The following TENM3 variants were observed in gnomAD, a reference collection of about 807,000 sequenced individuals.
The protein encoded by TENM3 is teneurin transmembrane protein 3, also known as teneurin-3.
In TENM3, 63 loss-of-function variants were observed where a neutral mutation model predicts 255.1. The observed-to-expected ratio is 0.25, with a 90% CI of 0.20 to 0.30. The LOEUF (loss-of-function observed/expected upper bound fraction) is 0.30, where lower values mean the gene tolerates loss of function less well. Among genes scored for constraint, TENM3 ranks in the 10% least tolerant of loss-of-function variants. The pLI, the probability that TENM3 is intolerant of heterozygous loss-of-function variation, is 1.00. For missense variants in TENM3, 2,929 were observed against 3,461.1 expected, an observed-to-expected ratio of 0.85 and a Z score of 3.86; for synonymous variants, 1,306 against 1,322.3, an observed-to-expected ratio of 0.99 and a Z score of 0.27.
At chr4:182,679,970 C>T in intron 8 of TENM3, 94 bp downstream of exon 8, 3 of 1,130,058 alleles carry the variant, frequency 2.7e-6, no homozygotes, top group Non-Finnish European at 3.8e-6. Flanking sequence ...TGGGGTAATT[C>T]CTAGGGTGTT....
At chr4:182,394,116 TAAG>T (rs149212899) in intron 3 of TENM3, among the ~76,000 whole-genome samples, 9,676 of 152,172 alleles carry the variant, frequency 0.064, 988 homozygotes, top group African/African-American at 0.21. Context: ...GAGTAGTTAT[TAAG>T]AAGGTCACCA....
intron 3 of TENM3, among the ~76,000 whole-genome samples, chr4:182,483,884 C>T (rs1465289000): frequency 6.6e-6 from 1 of 151,954 alleles, no homozygotes; most frequent in Admixed American, 6.6e-5. Flanking sequence ...AACCAGATCT[C>T]GCGAGAACTC....
At chr4:181,786,738 A>T in the TENM3 span, among the ~76,000 whole-genome samples, 1 of 150,992 alleles carries the variant, frequency 6.6e-6, no homozygotes, top group African/African-American at 2.4e-5. Flanking sequence ...TCATGATCAG[A>T]TAGGAAAATT....
the TENM3 span, among the ~76,000 whole-genome samples, chr4:181,959,958 A>G: frequency 6.6e-6 from 1 of 152,220 alleles, no homozygotes; most frequent in Non-Finnish European, 1.5e-5. Context: ...CTTGGACTTT[A>G]TATTGCAAAA....
intron 1 of TENM3, among the ~76,000 whole-genome samples, chr4:182,166,495 A>G (rs1751732143): frequency 6.6e-6 from 1 of 151,124 alleles, no homozygotes. Flanking sequence ...TTTGGGTATC[A>G]TTTTGCAGCT....
chr4:182,752,082 A>T, intron 20 of TENM3, 50 bp downstream of exon 20: 2 of 1,166,018 alleles, frequency 1.7e-6, no homozygotes, highest in Non-Finnish European at 2.4e-6. Flanking sequence ...TTAAAAAAAA[A>T]AAAAAAGGGG....
At chr4:181,902,963 C>T in the TENM3 span, among the ~76,000 whole-genome samples, 4 of 152,068 alleles carry the variant, frequency 2.6e-5, no homozygotes, top group Admixed American at 6.5e-5. Flanking sequence ...GTTTTACAAT[C>T]GGTATTGATT....
At chr4:182,469,623 A>G (rs904647718) in intron 3 of TENM3, among the ~76,000 whole-genome samples, 3 of 151,884 alleles carry the variant, frequency 2.0e-5, no homozygotes, top group African/African-American at 7.3e-5. Context: ...CTGAGGCAAG[A>G]GAATTGCTTG....
upstream of TENM3, chr4:182,143,392 A>AG (rs372798930): frequency 1.8e-5 from 3 of 166,978 alleles, no homozygotes; most frequent in Non-Finnish European, 4.4e-5. The surrounding 1 kb of genome is among the most constrained non-coding windows in gnomAD (Gnocchi z 4.3). Context: ...GTGGAAAGGA[A>AG]GGCGCGGGTC....
chr4:181,916,242 C>T, the TENM3 span, among the ~76,000 whole-genome samples: 2 of 152,154 alleles, frequency 1.3e-5, no homozygotes, highest in Non-Finnish European at 2.9e-5. Flanking sequence ...AGATTAGTGC[C>T]TCTAGTTATA....
chr4:182,360,705 C>A (rs1580288877), intron 3 of TENM3, among the ~76,000 whole-genome samples: 1 of 152,050 alleles, frequency 6.6e-6, no homozygotes, highest in Admixed American at 6.6e-5. Context: ...TTAATTGGAG[C>A]ATTTAGTCCA....
chr4:182,100,073 T>A, the TENM3 span, among the ~76,000 whole-genome samples: 1 of 152,020 alleles, frequency 6.6e-6, no homozygotes, highest in Non-Finnish European at 1.5e-5. Context: ...TGTTTATGGT[T>A]CCCTGGAAAA....
rs1231607139 is a variant in TENM3, at chr4:182,285,761, C to T, written c.-75-38185C>T. Among the ~76,000 whole-genome samples, 3 of 152,120 alleles carry T rather than the reference C, an allele frequency of 2.0e-5. No individual in the cohort carries two copies. The East Asian group carries it at 5.8e-4, about 29-fold the overall frequency. On this transcript the variant is annotated intron_variant, in intron 1 of 27. Transcript: ENST00000511685. ...CGTGGAATTGTGAAGGGGATGTGTG[C>T]GTGGAGCTACCAGAGAAGCACAGCC...
intron 5 of TENM3, among the ~76,000 whole-genome samples, chr4:182,651,335 C>G (rs1753268829): frequency 6.6e-6 from 1 of 151,936 alleles, no homozygotes; most frequent in South Asian, 2.1e-4. Context: ...GAAGTTATAC[C>G]TTTTTACATG....
intron 3 of TENM3, among the ~76,000 whole-genome samples, chr4:182,451,752 T>C (rs774813496): frequency 4.6e-5 from 7 of 152,328 alleles, no homozygotes; most frequent in East Asian, 3.9e-4. Flanking sequence ...TTCAAAAGAT[T>C]TAACAAGACT....
intron 3 of TENM3, among the ~76,000 whole-genome samples, chr4:182,503,219 C>T (rs1736492421): frequency 6.6e-6 from 1 of 152,038 alleles, no homozygotes; most frequent in Non-Finnish European, 1.5e-5. Flanking sequence ...CATGTGGCTG[C>T]TGGAATTCTT....
the TENM3 span, among the ~76,000 whole-genome samples, chr4:181,605,578 A>G: frequency 0.019 from 532 of 27,962 alleles, 75 homozygotes; most frequent in South Asian, 0.065. Context: ...AAGAGAGAGA[A>G]AGAAAGGAAA....
rs1461774195 is a variant in TENM3, at chr4:182,801,841, C to A, written c.*1490C>A. 6.6e-6 allele frequency: 1 copy of A among 152,344 alleles called. No individual in the cohort carries two copies. Among genetic ancestry groups the A allele is most frequent in the African/African-American group, 2.4e-5 (1 of 41,418 alleles). The allele number at this position is 152,344 out of a possible 1,614,324, so 9.4% of individuals were successfully genotyped here. A position where few individuals can be genotyped will look rare whatever the true frequency, so the allele number is the denominator to read the frequency against. Reference sequence around the variant, plus strand: ...GCGCCCTCCTGCACACATGCATGCACGCGTGTGGGAACGAGCCCAGCCGCC... The same window carrying A: ...GCGCCCTCCTGCACACATGCATGCAAGCGTGTGGGAACGAGCCCAGCCGCC... On this transcript the variant is annotated 3_prime_UTR_variant, in exon 28 of 28. Coordinates refer to ENST00000511685, the MANE Select transcript of TENM3 (RefSeq NM_001080477.4).
chr4:181,866,965 T>G, the TENM3 span, among the ~76,000 whole-genome samples: 1 of 152,110 alleles, frequency 6.6e-6, no homozygotes, highest in African/African-American at 2.4e-5. Context: ...AAACTTGAAG[T>G]TTTGTTTTGT....
Sources: allele counts gnomAD v4.1 joint callset (sites outside exome capture counted in the v4.1 genomes callset), GRCh38; gene constraint gnomAD v4.1.1; non-coding constraint Gnocchi (gnomAD v3.1); transcripts MANE v1.5; gene names NCBI Gene and HGNC (gene_info 2026-07-23, HGNC 2026-07-21).